Variants in FHIT observed in about 807,000 individuals in gnomAD.
FHIT encodes the protein bis(5'-adenosyl)-triphosphatase.
A neutral mutation model predicts 17.9 loss-of-function variants in FHIT; 19 were observed. The ratio of observed to expected loss-of-function variants is 1.06; its 90% confidence interval spans 0.74 to 1.56. The LOEUF (loss-of-function observed/expected upper bound fraction) is 1.56, where lower values mean the gene tolerates loss of function less well. FHIT is among the 40% of genes most tolerant of loss of function. The pLI is 0.00. For synonymous variants in FHIT, 81 were observed against 69.7 expected (o/e 1.16, Z -0.81); for missense variants, 248 against 189.2 (o/e 1.31, Z -1.82).
At chr3:60,525,939 C>CAAAAAATGCAA (rs1288514592) in intron 5 of FHIT, among the ~76,000 whole-genome samples, 1 of 151,942 alleles carries the variant, frequency 6.6e-6, no homozygotes, top group East Asian at 1.9e-4. Flanking sequence ...CTTGTCTCTA[C>CAAAAAATGCAA]AAAAAATGCA....
At chr3:61,224,931 C>T (rs918834243) in intron 1 of FHIT, among the ~76,000 whole-genome samples, 4 of 152,170 alleles carry the variant, frequency 2.6e-5, no homozygotes, top group Non-Finnish European at 5.9e-5. Flanking sequence ...CATGCATCTT[C>T]TCTTATATAA....
intron 4 of FHIT, among the ~76,000 whole-genome samples, chr3:60,597,956 A>G (rs1306889689): frequency 6.6e-6 from 1 of 152,114 alleles, no homozygotes; most frequent in Non-Finnish European, 1.5e-5. Flanking sequence ...TACCAAATAA[A>G]AGAATGTTGA....
intron 8 of FHIT, among the ~76,000 whole-genome samples, chr3:59,826,656 G>A (rs744192): frequency 0.7 from 106,719 of 152,232 alleles, 39,214 homozygotes; most frequent in East Asian, 0.97. Flanking sequence ...GCGAGTGCGC[G>A]CGAGTCTCAT....
At chr3:59,862,191 T>C (rs1401598364) in intron 8 of FHIT, among the ~76,000 whole-genome samples, 2 of 152,168 alleles carry the variant, frequency 1.3e-5, no homozygotes, top group African/African-American at 4.8e-5. Context: ...CTCACAATCA[T>C]GGTGAAAGGC....
chr3:60,481,051 T>C (rs994872575), intron 5 of FHIT, among the ~76,000 whole-genome samples: 1 of 152,216 alleles, frequency 6.6e-6, no homozygotes, highest in African/African-American at 2.4e-5. Context: ...GAATTCCGCC[T>C]GGACATCCAG....
intron 1 of FHIT, among the ~76,000 whole-genome samples, chr3:61,246,125 T>C (rs971078263): frequency 6.6e-6 from 1 of 152,184 alleles, no homozygotes; most frequent in Non-Finnish European, 1.5e-5. Context: ...TGTCAGAAAG[T>C]TACCCTATAT....
chr3:60,576,249 A>G (rs2037562051), intron 4 of FHIT, among the ~76,000 whole-genome samples: 2 of 152,160 alleles, frequency 1.3e-5, no homozygotes, highest in Non-Finnish European at 2.9e-5. Context: ...AAAAAATACA[A>G]GAAATGGAAG....
intron 7 of FHIT, among the ~76,000 whole-genome samples, chr3:59,953,819 G>A (rs1030035676): frequency 3.9e-5 from 6 of 152,152 alleles, no homozygotes; most frequent in African/African-American, 1.4e-4. Context: ...CTGCAAACAG[G>A]TAGCATCCTG....
intron 5 of FHIT, among the ~76,000 whole-genome samples, chr3:60,187,287 A>G (rs1021354225): frequency 8.5e-5 from 13 of 152,166 alleles, no homozygotes; most frequent in African/African-American, 2.9e-4. Context: ...TCACAAAATA[A>G]AAGTGAGAAA....
At chr3:59,945,014 A>G (rs1245455247) in intron 7 of FHIT, among the ~76,000 whole-genome samples, 1 of 152,150 alleles carries the variant, frequency 6.6e-6, no homozygotes, top group African/African-American at 2.4e-5. Context: ...TTATGGTAGG[A>G]TGATTTATTT....
At chr3:61,225,917 T>A (rs1001556849) in intron 1 of FHIT, among the ~76,000 whole-genome samples, 3 of 152,234 alleles carry the variant, frequency 2.0e-5, no homozygotes, top group Non-Finnish European at 4.4e-5. Context: ...ATTGATACAG[T>A]ATGATCTGAT....
intron 5 of FHIT, among the ~76,000 whole-genome samples, chr3:60,017,060 ATGT>A (rs1287642336): frequency 6.6e-6 from 1 of 152,208 alleles, no homozygotes; most frequent in African/African-American, 2.4e-5. Flanking sequence ...TCTAAAGTTC[ATGT>A]TATTAATGAC....
chr3:61,054,312 A>G (rs940839587), intron 2 of FHIT, among the ~76,000 whole-genome samples: 2 of 152,270 alleles, frequency 1.3e-5, no homozygotes, highest in Middle Eastern at 3.4e-3. Context: ...GCTATAATTG[A>G]GTGATGTCAA....
intron 8 of FHIT, among the ~76,000 whole-genome samples, chr3:59,904,077 C>A (rs1704464570): frequency 7.2e-6 from 1 of 139,036 alleles, no homozygotes; most frequent in African/African-American, 2.6e-5. Flanking sequence ...TTTTTTTTCT[C>A]CCCCACACCC....
chr3:60,918,674 C>T (rs1707131136), intron 3 of FHIT, among the ~76,000 whole-genome samples: 1 of 152,160 alleles, frequency 6.6e-6, no homozygotes, highest in South Asian at 2.1e-4. Context: ...GGGGCAGACA[C>T]ATAGATTATA....
chr3:60,521,441 G>A (rs879530848), intron 5 of FHIT, among the ~76,000 whole-genome samples: 27 of 152,110 alleles, frequency 1.8e-4, no homozygotes, highest in South Asian at 2.1e-4. Context: ...TAGAGACGGG[G>A]TTTCACCGTG....
chr3:60,482,541 T>G (rs1026707747), intron 5 of FHIT, among the ~76,000 whole-genome samples: 1 of 151,958 alleles, frequency 6.6e-6, no homozygotes, highest in African/African-American at 2.4e-5. Context: ...AACCACACAA[T>G]TACATGGAAA....
At position 60,473,982 on chromosome 3, in the gene FHIT, G is replaced by C. The variant is rs544239468; in HGVS notation, c.103+62878C>G. Among the ~76,000 whole-genome samples, 11 of 152,056 alleles carry C rather than the reference G, an allele frequency of 7.2e-5. No individual in the cohort carries two copies. The South Asian group carries it at 1.5e-3, about 20-fold the overall frequency. ...CAGAGAATTGTACCTGGAGATGTATGGGGGAAAGACACATTATTTTGGAAA... is the reference window on the plus strand; with the variant it reads ...CAGAGAATTGTACCTGGAGATGTATCGGGGAAAGACACATTATTTTGGAAA... On this transcript the variant is annotated intron_variant, in intron 5 of 9. Transcript: ENST00000492590.
chr3:61,116,788 T>C (rs1461222412), intron 2 of FHIT, among the ~76,000 whole-genome samples: 1 of 152,152 alleles, frequency 6.6e-6, no homozygotes, highest in Non-Finnish European at 1.5e-5. Context: ...AGCAAACTCA[T>C]CTTACTACTC....
Sources: allele counts gnomAD v4.1 joint callset (sites outside exome capture counted in the v4.1 genomes callset), GRCh38; gene constraint gnomAD v4.1.1; transcripts MANE v1.5; gene names NCBI Gene and HGNC (gene_info 2026-07-23, HGNC 2026-07-21).